Variants in FAF1 observed in about 807,000 individuals in gnomAD.
FAF1 encodes the protein FAS-associated factor 1.
Under a neutral mutation model 92.5 loss-of-function variants are expected in FAF1, and 25 were observed. That is an observed-to-expected ratio of 0.27 (90% confidence interval 0.20 to 0.38). The LOEUF is 0.38. FAF1 is among the 10% of genes least tolerant of loss of function. The pLI, the probability that FAF1 is intolerant of heterozygous loss-of-function variation, is 1.00. For missense variants in FAF1, 636 were observed against 793.3 expected (o/e 0.80, Z 2.38); for synonymous variants, 234 against 273.2 (o/e 0.86, Z 1.42).
intron 8 of FAF1, among the ~76,000 whole-genome samples, chr1:50,611,402 C>T (rs1652677641): frequency 6.6e-6 from 1 of 151,070 alleles, no homozygotes; most frequent in Non-Finnish European, 1.5e-5. Flanking sequence ...TTATAAGCCT[C>T]TCTGTTTCAA....
At chr1:50,605,020 T>A (rs977750547) in intron 8 of FAF1, among the ~76,000 whole-genome samples, 3 of 152,196 alleles carry the variant, frequency 2.0e-5, no homozygotes, top group African/African-American at 7.2e-5. Flanking sequence ...CCTGATGCTA[T>A]TTTCCACATT....
At chr1:50,492,598 T>C (rs1646852520) in intron 15 of FAF1, among the ~76,000 whole-genome samples, 1 of 152,072 alleles carries the variant, frequency 6.6e-6, no homozygotes, top group African/African-American at 2.4e-5. Context: ...TAATAATAAA[T>C]ACCCACACCT....
intron 4 of FAF1, among the ~76,000 whole-genome samples, chr1:50,760,802 T>A (rs530132774): frequency 6.6e-6 from 1 of 151,882 alleles, no homozygotes; most frequent in East Asian, 1.9e-4. Context: ...GCAAACACAT[T>A]CAAAAGCCAG....
chr1:50,575,144 G>A (rs984865988), intron 12 of FAF1, among the ~76,000 whole-genome samples: 2 of 152,072 alleles, frequency 1.3e-5, no homozygotes, highest in Non-Finnish European at 1.5e-5. Flanking sequence ...TCTTGACCTC[G>A]TGATCCACCC....
At chr1:50,883,927 C>A (rs2124691501) in intron 1 of FAF1, among the ~76,000 whole-genome samples, 1 of 151,760 alleles carries the variant, frequency 6.6e-6, no homozygotes, top group East Asian at 1.9e-4. Flanking sequence ...GAATTCCAGA[C>A]CAGCCTGGCC....
chr1:50,885,955 A>G (rs1644659185), intron 1 of FAF1, among the ~76,000 whole-genome samples: 1 of 152,198 alleles, frequency 6.6e-6, no homozygotes, highest in Non-Finnish European at 1.5e-5. Flanking sequence ...AAACAAAAAA[A>G]AGAAGCAAAA....
intron 15 of FAF1, among the ~76,000 whole-genome samples, chr1:50,493,315 G>A (rs1199846825): frequency 2.0e-5 from 3 of 152,192 alleles, no homozygotes; most frequent in Non-Finnish European, 4.4e-5. Flanking sequence ...TTACAGGCAT[G>A]AGCCACCACA....
At chr1:50,605,381 C>T (rs1572864123) in intron 8 of FAF1, among the ~76,000 whole-genome samples, 1 of 152,164 alleles carries the variant, frequency 6.6e-6, no homozygotes, top group African/African-American at 2.4e-5. Context: ...ATAAGAAATA[C>T]AACCCAGACC....
chr1:50,857,609 T>C (rs1644400018), intron 2 of FAF1, among the ~76,000 whole-genome samples: 1 of 151,780 alleles, frequency 6.6e-6, no homozygotes, highest in Non-Finnish European at 1.5e-5. Context: ...ACATCAAATA[T>C]GTTATTCAGA....
chr1:50,490,467 A>G (rs1291915337), intron 17 of FAF1, 121 bp downstream of exon 17: 42 of 614,990 alleles, frequency 6.8e-5, no homozygotes, highest in African/African-American at 5.5e-4. Context: ...AAGGAAAAAG[A>G]AAGAAGGAAG....
chr1:50,516,448 C>T (rs531827344), intron 15 of FAF1, among the ~76,000 whole-genome samples: 52 of 152,194 alleles, frequency 3.4e-4, no homozygotes, highest in Admixed American at 1.1e-3. Context: ...CCCTGTATAC[C>T]TTGGCTTGGA....
chr1:50,846,397 T>G, intron 2 of FAF1: 1 of 355,156 alleles, frequency 2.8e-6, no homozygotes, highest in Non-Finnish European at 5.4e-6. Context: ...GTCCCCGCCA[T>G]CCCTGCCATC....
At chr1:50,780,564 T>A (rs903224665) in intron 4 of FAF1, 1 of 208,390 alleles carries the variant, frequency 4.8e-6, no homozygotes, top group Non-Finnish European at 9.7e-6. Context: ...CCACACAACA[T>A]GCCAATCATC....
intron 18 of FAF1, among the ~76,000 whole-genome samples, chr1:50,473,267 C>T (rs1376423364): frequency 6.6e-6 from 1 of 152,016 alleles, no homozygotes; most frequent in African/African-American, 2.4e-5. Flanking sequence ...AGCCTAGCTC[C>T]TTTTAAGATA....
intron 1 of FAF1, among the ~76,000 whole-genome samples, chr1:50,880,272 TA>T (rs1213714130): frequency 1.3e-5 from 2 of 151,922 alleles, no homozygotes; most frequent in East Asian, 3.9e-4. Flanking sequence ...TTCTGTTAAT[TA>T]AAAAAAGGGA....
chr1:50,893,699 A>G (rs1328723357), intron 1 of FAF1, among the ~76,000 whole-genome samples: 1 of 152,118 alleles, frequency 6.6e-6, no homozygotes, highest in African/African-American at 2.4e-5. Context: ...CTGGCTACCA[A>G]CTATGTTCGC....
intron 1 of FAF1, among the ~76,000 whole-genome samples, chr1:50,895,236 C>T (rs1191444961): frequency 1.3e-5 from 2 of 152,072 alleles, no homozygotes; most frequent in Non-Finnish European, 2.9e-5. Context: ...ACCATGACCA[C>T]CTACATGCCA....
chr1:50,587,193 TAAC>T (rs1038656231), intron 9 of FAF1, among the ~76,000 whole-genome samples: 1 of 152,204 alleles, frequency 6.6e-6, no homozygotes, highest in Non-Finnish European at 1.5e-5. Context: ...GCTCCTTCTA[TAAC>T]AACAGGACCT....
chr1:50,808,762 T>C (rs1662307764), intron 2 of FAF1, among the ~76,000 whole-genome samples: 1 of 152,166 alleles, frequency 6.6e-6, no homozygotes, highest in African/African-American at 2.4e-5. Flanking sequence ...ATTTCTTGAA[T>C]TCTGCCTCTA....
Sources: gnomAD v4.1 joint callset for allele counts (sites outside exome capture counted in the v4.1 genomes callset) on GRCh38, gnomAD v4.1.1 for gene constraint, MANE v1.5 for transcripts, NCBI Gene and HGNC (gene_info 2026-07-23, HGNC 2026-07-21) for gene names.